The following PLAAT3 variants were observed in gnomAD, a reference collection of about 807,000 sequenced individuals.
The protein encoded by PLAAT3 is phospholipase A and acyltransferase 3, also known as Ca-independent phospholipase A1/2.
PLAAT3 carries 21 observed loss-of-function variants against 16.7 expected under a neutral mutation model. The ratio of observed to expected loss-of-function variants is 1.26; its 90% CI spans 0.89 to 1.81. PLAAT3 has a LOEUF of 1.81. Ranked by LOEUF, PLAAT3 falls within the 40% of genes most tolerant of loss-of-function variation. The probability of loss-of-function intolerance (pLI) is 0.00; values close to 1 mark genes in which losing one functional copy is unlikely to be tolerated. For missense variants in PLAAT3, 219 were observed against 213.7 expected, an observed-to-expected ratio of 1.02 and a Z score of -0.16; for synonymous variants, 76 against 81.7, an observed-to-expected ratio of 0.93 and a Z score of 0.38.
chr11:63,611,257 C>T (rs1270470845), intron 2 of PLAAT3, among the ~76,000 whole-genome samples: 1 of 152,070 alleles, frequency 6.6e-6, no homozygotes, highest in Non-Finnish European at 1.5e-5. Flanking sequence ...CAGACATGAA[C>T]CACACGTCTG....
intron 4 of PLAAT3, among the ~76,000 whole-genome samples, chr11:63,581,190 C>A (rs1937804592): frequency 6.6e-6 from 1 of 152,150 alleles, no homozygotes. Context: ...TGAAAAAGAA[C>A]AGAATAACAG....
rs573368767 is a variant in PLAAT3, at chr11:63,583,142, T to C, written c.387+6958A>G. On this transcript the variant is annotated intron_variant, in intron 4 of 4. Coordinates refer to ENST00000415826, the MANE Select transcript of PLAAT3 (RefSeq NM_001128203.2). ...GAGACACCATCTCAAAAAAAAAAAG[T>C]AGTTTTAACAGACAGAATTCATGAT... is the stretch of plus-strand genomic sequence containing the variant. Among the ~76,000 whole-genome samples the C allele has an allele frequency of 6.6e-5, 10 of 151,716 alleles. No individual in the cohort carries two copies. The East Asian group carries it at 1.9e-3, about 30-fold the overall frequency.
At chr11:63,615,062 A>ATG (rs1266606235), upstream of PLAAT3, among the ~76,000 whole-genome samples, 3 of 7,386 alleles carry the variant, frequency 4.1e-4, no homozygotes, top group South Asian at 0.038. Context: ...GTGTATATAT[A>ATG]TGTGTGTATA....
chr11:63,600,267 G>A (rs1938391091), intron 2 of PLAAT3, among the ~76,000 whole-genome samples: 1 of 152,192 alleles, frequency 6.6e-6, no homozygotes, highest in African/African-American at 2.4e-5. Flanking sequence ...ACAGGCACGT[G>A]CCATCGCGCC....
chr11:63,577,396 T>C (rs1387949247), intron 4 of PLAAT3, among the ~76,000 whole-genome samples: 1 of 152,188 alleles, frequency 6.6e-6, no homozygotes, highest in African/African-American at 2.4e-5. Flanking sequence ...GCTCTCGAAC[T>C]CCTGACCACT....
chr11:63,613,281 G>GA (rs1479925532), intron 2 of PLAAT3, among the ~76,000 whole-genome samples: 2 of 151,878 alleles, frequency 1.3e-5, no homozygotes, highest in Non-Finnish European at 2.9e-5. Context: ...CGTAGTGGCG[G>GA]GCGCCTGTAC....
chr11:63,614,290 A>C, intron 1 of PLAAT3, 95 bp downstream of exon 1: 1 of 536,586 alleles, frequency 1.9e-6, no homozygotes, highest in South Asian at 2.3e-5. Flanking sequence ...CACCCGCCCT[A>C]CCCAATTAGA....
intron 4 of PLAAT3, among the ~76,000 whole-genome samples, chr11:63,587,956 G>A (rs1590686807): frequency 6.6e-6 from 1 of 152,296 alleles, no homozygotes; most frequent in South Asian, 2.1e-4. Context: ...GCTTATGCCT[G>A]TAATCCTAGC....
intron 2 of PLAAT3, among the ~76,000 whole-genome samples, chr11:63,605,678 G>C (rs1040794841): frequency 1.3e-5 from 2 of 151,648 alleles, no homozygotes; most frequent in Non-Finnish European, 2.9e-5. Context: ...TCAGCCTCCC[G>C]AGTAGCTGGG....
chr11:63,599,242 T>C (rs1352611151), intron 2 of PLAAT3, among the ~76,000 whole-genome samples: 1 of 152,212 alleles, frequency 6.6e-6, no homozygotes, highest in Non-Finnish European at 1.5e-5. Context: ...CTTCATCCTT[T>C]GCTGGAGTCT....
At chr11:63,576,769 T>G (rs1346810999) in intron 4 of PLAAT3, among the ~76,000 whole-genome samples, 1 of 152,220 alleles carries the variant, frequency 6.6e-6, no homozygotes, top group Admixed American at 6.5e-5. Context: ...TCCTAACCTA[T>G]GAAGTTGAAT....
chr11:63,610,309 A>G (rs1481239413), intron 2 of PLAAT3, among the ~76,000 whole-genome samples: 1 of 152,188 alleles, frequency 6.6e-6, no homozygotes, highest in Non-Finnish European at 1.5e-5. Context: ...CAGCAAAGCG[A>G]GTTGCTGCTG....
upstream of PLAAT3, chr11:63,616,255 CCT>C (rs1161304133): frequency 6.6e-6 from 1 of 152,076 alleles, no homozygotes; most frequent in East Asian, 1.9e-4. Context: ...CTGACACCCC[CCT>C]GTTCCCCCCA....
At chr11:63,612,400 G>C (rs1301073063) in intron 2 of PLAAT3, among the ~76,000 whole-genome samples, 2 of 152,130 alleles carry the variant, frequency 1.3e-5, no homozygotes, top group African/African-American at 4.8e-5. Flanking sequence ...TGCAATGTCT[G>C]GAATTTATTA....
intron 3 of PLAAT3, among the ~76,000 whole-genome samples, chr11:63,594,343 A>G (rs1020396563): frequency 6.6e-6 from 1 of 152,190 alleles, no homozygotes; most frequent in Non-Finnish European, 1.5e-5. Context: ...CAATGAGGTC[A>G]TCTGAGCTCG....
At chr11:63,600,836 TC>T (rs1435108120) in intron 2 of PLAAT3, among the ~76,000 whole-genome samples, 1 of 151,586 alleles carries the variant, frequency 6.6e-6, no homozygotes, top group Non-Finnish European at 1.5e-5. Context: ...ACTCCCAACC[TC>T]AGGTGATCCA....
intron 2 of PLAAT3, among the ~76,000 whole-genome samples, chr11:63,604,295 T>G (rs1484686309): frequency 6.6e-6 from 1 of 152,274 alleles, no homozygotes; most frequent in Middle Eastern, 3.4e-3. Context: ...ATTATTTTAT[T>G]GTTTGAATTT....
chr11:63,615,473 G>A (rs1590705561), upstream of PLAAT3, among the ~76,000 whole-genome samples: 1 of 150,840 alleles, frequency 6.6e-6, no homozygotes, highest in Non-Finnish European at 1.5e-5. Context: ...TTGAATTAAA[G>A]GCATTTAAAA....
At chr11:63,598,590 C>A in intron 2 of PLAAT3, 1 of 415,908 alleles carries the variant, frequency 2.4e-6, no homozygotes, top group South Asian at 1.7e-5. Context: ...AGAATTTGTG[C>A]AAAGACATAT....
Sources: gnomAD v4.1 joint callset for allele counts (sites outside exome capture counted in the v4.1 genomes callset) on GRCh38, gnomAD v4.1.1 for gene constraint, MANE v1.5 for transcripts, NCBI Gene and HGNC (gene_info 2026-07-23, HGNC 2026-07-21) for gene names.